Variants in LGI1 observed in about 807,000 individuals in gnomAD.
LGI1 encodes the protein leucine-rich glioma-inactivated protein 1.
In LGI1, 11 loss-of-function variants were observed where a neutral mutation model predicts 57.7. The ratio of observed to expected loss-of-function variants is 0.19; its 90% CI spans 0.12 to 0.32. The LOEUF is 0.32. LGI1 is among the 10% of genes least tolerant of loss of function. The pLI is 1.00. For missense variants in LGI1, 422 were observed against 661.9 expected, an observed-to-expected ratio of 0.64 and a Z score of 3.98; for synonymous variants, 222 against 241.9, an observed-to-expected ratio of 0.92 and a Z score of 0.76.
chr10:93,761,235 C>A (rs2059620009), intron 2 of LGI1, among the ~76,000 whole-genome samples: 2 of 152,130 alleles, frequency 1.3e-5, no homozygotes, highest in South Asian at 4.1e-4. Context: ...TGCCAATCCC[C>A]CTTTGGAACA....
intron 7 of LGI1, chr10:93,793,779 A>G (rs2059955524): frequency 6.1e-6 from 1 of 163,516 alleles, no homozygotes; most frequent in Admixed American, 5.8e-5. Context: ...ATTTTAGATC[A>G]ATAAGTCTCA....
At chr10:93,766,789 G>A (rs1313467413) in intron 2 of LGI1, 1 of 151,826 alleles carries the variant, frequency 6.6e-6, no homozygotes, top group South Asian at 2.1e-4. Flanking sequence ...TTACAGGCGT[G>A]AGCCACCACG....
At chr10:93,762,632 T>C (rs1444000646) in intron 2 of LGI1, 4 of 152,232 alleles carry the variant, frequency 2.6e-5, no homozygotes, top group Non-Finnish European at 5.9e-5. Flanking sequence ...TTGGTTTGTA[T>C]CCAGCTGATG....
chr10:93,788,477 T>C (rs115105884), intron 4 of LGI1: 114 of 152,292 alleles, frequency 7.5e-4, no homozygotes, highest in African/African-American at 2.6e-3. Context: ...TGAGATAAGG[T>C]ATTATTATCT....
chr10:93,764,540 A>T (rs887289860), intron 2 of LGI1: 2 of 152,208 alleles, frequency 1.3e-5, no homozygotes, highest in East Asian at 1.9e-4. Flanking sequence ...CTGTAATATC[A>T]AAACAGCTGA....
chr10:93,766,860 A>G (rs2059685609), intron 2 of LGI1: 1 of 152,122 alleles, frequency 6.6e-6, no homozygotes, highest in Non-Finnish European at 1.5e-5. Flanking sequence ...GGTAGATATA[A>G]TTATCTCCAT....
At chr10:93,763,523 A>G (rs1472779219) in intron 2 of LGI1, 3 of 152,172 alleles carry the variant, frequency 2.0e-5, no homozygotes, top group African/African-American at 7.2e-5. Context: ...AATCCAGTTT[A>G]TGTTTCCATC....
At position 93,758,522 on chromosome 10, in the gene LGI1, T is replaced by C. The variant is rs571790372; in HGVS notation, c.215+163T>C. The stretch of plus-strand genomic sequence containing the variant: ...CATTTGCTGCATTTAGAATTTTTGA[T>C]TTTTTTAGCTGCTACTGAACATGCT... On this transcript the variant is annotated intron_variant, in intron 1 of 7. Coordinates refer to ENST00000371418, the MANE Select transcript of LGI1 (RefSeq NM_005097.4). The surrounding 1 kb of genome is among the most constrained non-coding windows in gnomAD (Gnocchi z 4.7). 1.8e-4 allele frequency: 142 copies of C among 789,458 alleles called. 2 individuals carry two copies. Among genetic ancestry groups the C allele is most frequent in the South Asian group, 1.3e-3 (86 of 63,844 alleles). 48.9% of individuals were successfully genotyped at this position (789,458 alleles called of 1,614,324 possible).
At chr10:93,787,755 A>G (rs11187668) in intron 4 of LGI1, among the ~76,000 whole-genome samples, 123,158 of 151,988 alleles carry the variant, frequency 0.81, 54,194 homozygotes, top group Non-Finnish European at 0.97. Flanking sequence ...AAATAAAAAA[A>G]ACTTAGTTGG....
chr10:93,773,150 T>C (rs1367707606), intron 2 of LGI1, among the ~76,000 whole-genome samples: 1 of 152,140 alleles, frequency 6.6e-6, no homozygotes, highest in Non-Finnish European at 1.5e-5. Flanking sequence ...ACTTTCTACT[T>C]GAAAAACACA....
chr10:93,784,048 T>C (rs2059874506), intron 4 of LGI1, among the ~76,000 whole-genome samples: 2 of 152,198 alleles, frequency 1.3e-5, no homozygotes, highest in Admixed American at 6.5e-5. Context: ...AAAGTATCTA[T>C]TGAGGGCTTA....
At chr10:93,776,715 T>C (rs1382922749) in intron 2 of LGI1, 1 of 154,018 alleles carries the variant, frequency 6.5e-6, no homozygotes, top group Non-Finnish European at 1.4e-5. Context: ...CTGATTGATG[T>C]TCTTTTTCAT....
intron 2 of LGI1, chr10:93,771,129 A>G (rs867530009): frequency 8.5e-5 from 13 of 152,228 alleles, no homozygotes; most frequent in African/African-American, 3.1e-4. Flanking sequence ...AGGATATCAC[A>G]TACTCAAATA....
chr10:93,758,092 A>G lies in LGI1; in HGVS notation c.-53A>G. On this transcript the variant is annotated 5_prime_UTR_variant, in exon 1 of 8. Transcript: ENST00000371418. This position sits in a 1 kb window ranked among gnomAD's most constrained non-coding sequence, Gnocchi z 4.7. ...GACCTGTTCTTAGAGCAAGACAATC[A>G]CCATCTGAATTCCAGAAGCCCTGTT... 1 of 1,505,596 alleles carries G rather than the reference A, an allele frequency of 6.6e-7. No homozygotes were observed. Among genetic ancestry groups the G allele is most frequent in the Non-Finnish European group, 9.2e-7 (1 of 1,082,918 alleles). 93.3% of individuals were successfully genotyped at this position (1,505,596 alleles called of 1,614,324 possible).
At chr10:93,779,220 A>G (rs2059823448) in intron 4 of LGI1, among the ~76,000 whole-genome samples, 2 of 151,126 alleles carry the variant, frequency 1.3e-5, no homozygotes, top group African/African-American at 4.9e-5. Flanking sequence ...ATACATCCCA[A>G]TCCACATGGC....
At chr10:93,785,311 A>G (rs1035829123) in intron 4 of LGI1, among the ~76,000 whole-genome samples, 8 of 152,246 alleles carry the variant, frequency 5.3e-5, no homozygotes, top group African/African-American at 1.9e-4. Context: ...AGGTTTAAAA[A>G]TTCACCTGCA....
chr10:93,761,804 T>C (rs575460965), intron 2 of LGI1, among the ~76,000 whole-genome samples: 8 of 152,350 alleles, frequency 5.3e-5, no homozygotes, highest in African/African-American at 1.9e-4. Context: ...AATAAAAACC[T>C]TTCCCAAGCA....
At chr10:93,783,294 T>G (rs949921670) in intron 4 of LGI1, among the ~76,000 whole-genome samples, 6 of 152,208 alleles carry the variant, frequency 3.9e-5, no homozygotes, top group Non-Finnish European at 7.4e-5. Flanking sequence ...GAGAATGGCG[T>G]GAACCCGGGA....
rs2059891662 is a variant in LGI1, at chr10:93,786,067, C to T, written c.432-4032C>T. Among the ~76,000 whole-genome samples the T allele has an allele frequency of 4.3e-5, 2 of 46,318 alleles. 1 individual carries two copies. Among genetic ancestry groups the T allele is most frequent in the African/African-American group, 6.0e-5 (2 of 33,272 alleles). The allele number at this position is 46,318 out of a possible 152,430, so 30.4% of individuals were successfully genotyped here. On this transcript the variant is annotated intron_variant, in intron 4 of 7. Coordinates refer to ENST00000371418, the MANE Select transcript of LGI1 (RefSeq NM_005097.4). ...GGCAACAGGCCCTCATCACAGCTGG[C>T]TTTAAGCTGGCGCAAAGAACCACAG... is the stretch of plus-strand genomic sequence containing the variant.
Sources: gnomAD v4.1 joint callset for allele counts (sites outside exome capture counted in the v4.1 genomes callset) on GRCh38, gnomAD v4.1.1 for gene constraint, Gnocchi (gnomAD v3.1) non-coding constraint, MANE v1.5 for transcripts, NCBI Gene and HGNC (gene_info 2026-07-23, HGNC 2026-07-21) for gene names.